ZNF143: variants seen among roughly 807,000 people sequenced by gnomAD.
The protein encoded by ZNF143 is zinc finger protein 143.
Under a neutral mutation model 74.1 loss-of-function variants are expected in ZNF143, and 49 were observed. The ratio of observed to expected loss-of-function variants is 0.66; its 90% CI spans 0.53 to 0.84. ZNF143 has a LOEUF of 0.84. Ranked by LOEUF, ZNF143 falls within the 40% of genes least tolerant of loss-of-function variation. The pLI is 0.00. For synonymous variants in ZNF143, 304 were observed against 282.8 expected (o/e 1.07, Z -0.75); for missense variants, 637 against 793.4 (o/e 0.80, Z 2.37).
intron 7 of ZNF143, among the ~76,000 whole-genome samples, chr11:9,480,828 A>G (rs1847205477): frequency 6.6e-6 from 1 of 151,826 alleles, no homozygotes; most frequent in Admixed American, 6.6e-5. Flanking sequence ...CAGAGGTTGC[A>G]GTGAGCCAAG....
intron 8 of ZNF143, 39 bp from the exon 9 acceptor site, chr11:9,496,264 C>T (rs1157811394): frequency 5.0e-6 from 8 of 1,589,150 alleles, no homozygotes; most frequent in African/African-American, 2.7e-5. Context: ...CTGAGGAATA[C>T]GTAAAGGAAA....
chr11:9,468,882 C>T (rs1856402265), intron 1 of ZNF143, among the ~76,000 whole-genome samples: 1 of 152,038 alleles, frequency 6.6e-6, no homozygotes, highest in Admixed American at 6.6e-5. Flanking sequence ...ACCTGTAATC[C>T]CAGTACTTTG....
intron 4 of ZNF143, 37 bp downstream of exon 4, chr11:9,474,061 A>G (rs1482578244): frequency 1.8e-5 from 28 of 1,528,322 alleles, no homozygotes; most frequent in Non-Finnish European, 2.5e-5. Flanking sequence ...AAACCATTTT[A>G]ATTCTCAGCT....
intron 1 of ZNF143, among the ~76,000 whole-genome samples, 174 bp downstream of exon 1, chr11:9,461,250 C>T (rs933314128): frequency 2.0e-5 from 3 of 152,042 alleles, no homozygotes; most frequent in Non-Finnish European, 4.4e-5. Context: ...TGGGCAGAAG[C>T]GGAGTTTATT....
intron 10 of ZNF143, 28 bp downstream of exon 10, chr11:9,497,828 CTTTTTTTT>C (rs536473555): frequency 1.3e-5 from 14 of 1,046,760 alleles, no homozygotes; most frequent in Admixed American, 3.7e-5. Context: ...GTGTCAAAAT[CTTTTTTTT>C]TTTTTTTTTT....
chr11:9,468,120 C>T lies in ZNF143; in HGVS notation c.-7-3182C>T, dbSNP rs372878772. On this transcript the variant is annotated intron_variant, in intron 1 of 15. Coordinates refer to ENST00000396602, the MANE Select transcript of ZNF143 (RefSeq NM_003442.6). ...CTGCTGCATCTGTTCCTCATATTCC[C>T]TAGTTTTGCTGAAAGCAATCCAGGG... Among the ~76,000 whole-genome samples, 151 of 152,324 alleles carry T rather than the reference C, an allele frequency of 9.9e-4. 1 individual carries two copies. The highest frequency in any genetic ancestry group is 3.5e-3 in the African/African-American group (146 of 41,574).
At chr11:9,512,622 A>C in intron 13 of ZNF143, 26 bp downstream of exon 13, 1 of 1,610,042 alleles carries the variant, frequency 6.2e-7, no homozygotes, top group Non-Finnish European at 8.5e-7. Context: ...AAGCCAAACA[A>C]ATTAAATCTT....
At chr11:9,488,762 T>G (rs1847658772) in intron 7 of ZNF143, among the ~76,000 whole-genome samples, 1 of 152,208 alleles carries the variant, frequency 6.6e-6, no homozygotes, top group Non-Finnish European at 1.5e-5. Flanking sequence ...TTGCCAATCA[T>G]TTATTAAATA....
chr11:9,469,215 CTTTT>C (rs33968880), intron 1 of ZNF143, among the ~76,000 whole-genome samples: 16 of 97,464 alleles, frequency 1.6e-4, no homozygotes, highest in African/African-American at 3.9e-4. Flanking sequence ...CAGCAGGGGT[CTTTT>C]TTTTTTTTTT....
intron 1 of ZNF143, among the ~76,000 whole-genome samples, chr11:9,462,755 A>G (rs1247696270): frequency 6.6e-6 from 1 of 152,020 alleles, no homozygotes; most frequent in East Asian, 1.9e-4. Flanking sequence ...GGCGCCTGTA[A>G]TCCCAGTTAC....
In ZNF143 at chr11:9,474,603, A is replaced by G; in HGVS notation, c.343A>G (p.Thr115Ala). The G allele has an allele frequency of 3.7e-6, 6 of 1,614,170 alleles. No homozygotes were observed. The highest frequency in any genetic ancestry group is 5.1e-6 in the Non-Finnish European group (6 of 1,180,018). The change falls in exon 5 of 16, where the codon ACC becomes GCC. Residue 115 changes from threonine (T) to alanine (A), a missense_variant. Thr to Ala is a moderately conservative substitution (Grantham distance 58). This residue lies in a region of ZNF143 where 293 missense variants were observed against 307.8 expected (regional missense o/e 0.95). Coordinates refer to ENST00000396602, the MANE Select transcript of ZNF143 (RefSeq NM_003442.6). ...DGQAVQLEDG[T>A]TAFIHHTSKD... ...TCAAGCAGTACAGTTAGAAGATGGT[A>G]CCACAGCATTTATTCACCACACCTC...
intron 10 of ZNF143, 105 bp downstream of exon 10, chr11:9,497,905 A>C (rs199658881): frequency 1.1e-6 from 1 of 874,932 alleles, no homozygotes; most frequent in Non-Finnish European, 1.6e-6. Flanking sequence ...ATCTTGGCTC[A>C]CTGCAAGCTC....
At chr11:9,516,864 C>T (rs1300688249) in intron 14 of ZNF143, among the ~76,000 whole-genome samples, 2 of 152,130 alleles carry the variant, frequency 1.3e-5, no homozygotes, top group East Asian at 3.8e-4. Context: ...TAAGCATATA[C>T]AAACAAATAC....
rs1848448129 is a variant in ZNF143, at chr11:9,508,844, C to T, written c.1373C>T (p.Pro458Leu). 1 of 1,573,474 alleles carries T rather than the reference C, an allele frequency of 6.4e-7. No homozygotes were observed. The highest frequency in any genetic ancestry group is 8.6e-7 in the Non-Finnish European group (1 of 1,158,480). Residue 458 changes from proline (P) to leucine (L), a missense_variant and splice_region_variant, in exon 12 of 16, where the codon CCA (proline) becomes CTA (leucine). Physicochemically the swap from Pro to Leu is moderately conservative, Grantham distance 98 (BLOSUM62 -3). This residue lies in a region of ZNF143 where 344 missense variants were observed against 485.6 expected (regional missense o/e 0.71). Transcript: ENST00000396602. ...EEQEAFFEPP[P>L]GQGEDVLKGS... ...CAGGAAGCCTTCTTTGAGCCGCCCCCAGGTGAGAGTTTTGTCTACTATATT... is the reference window on the plus strand; with the variant it reads ...CAGGAAGCCTTCTTTGAGCCGCCCCTAGGTGAGAGTTTTGTCTACTATATT...
At chr11:9,511,841 T>C (rs796732620) in intron 12 of ZNF143, among the ~76,000 whole-genome samples, 24 of 148,230 alleles carry the variant, frequency 1.6e-4, no homozygotes, top group African/African-American at 5.5e-4. Context: ...AACCTCTGCC[T>C]CCCGGGTTCA....
At chr11:9,501,700 A>G (rs1049435066) in intron 11 of ZNF143, among the ~76,000 whole-genome samples, 3 of 152,122 alleles carry the variant, frequency 2.0e-5, no homozygotes, top group African/African-American at 7.2e-5. Flanking sequence ...AGAGAAGGGT[A>G]TTCCTGGCAG....
chr11:9,470,011 G>T (rs1165715972), intron 1 of ZNF143, among the ~76,000 whole-genome samples: 1 of 152,150 alleles, frequency 6.6e-6, no homozygotes, highest in Non-Finnish European at 1.5e-5. Flanking sequence ...TCTGTGTATT[G>T]CTCTTTTAAA....
chr11:9,526,511 G>T (rs1188336305), intron 15 of ZNF143, among the ~76,000 whole-genome samples: 1 of 152,100 alleles, frequency 6.6e-6, no homozygotes. Flanking sequence ...TAGTTTATGG[G>T]TATAGAAGCT....
At chr11:9,503,279 G>C (rs1430827704) in intron 11 of ZNF143, among the ~76,000 whole-genome samples, 2 of 152,130 alleles carry the variant, frequency 1.3e-5, no homozygotes, top group Non-Finnish European at 2.9e-5. Flanking sequence ...AATAATAATA[G>C]ATTACATATG....
Sources: gnomAD v4.1 joint callset for allele counts (sites outside exome capture counted in the v4.1 genomes callset) on GRCh38, gnomAD v4.1.1 for gene constraint, gnomAD v4.1.1 regional missense constraint, MANE v1.5 for transcripts, NCBI Gene and HGNC (gene_info 2026-07-23, HGNC 2026-07-21) for gene names.